PLCH1: variants seen among roughly 807,000 people sequenced by gnomAD.
The protein encoded by PLCH1 is phospholipase C eta 1.
Under a neutral mutation model 126.7 loss-of-function variants are expected in PLCH1, and 60 were observed. The ratio of observed to expected loss-of-function variants is 0.47; its 90% CI spans 0.38 to 0.59. The LOEUF (loss-of-function observed/expected upper bound fraction) is 0.59, where lower values mean the gene tolerates loss of function less well. PLCH1 is among the 20% of genes least tolerant of loss of function. The pLI is 0.00. For synonymous variants in PLCH1, 719 were observed against 734.9 expected (o/e 0.98, Z 0.35); for missense variants, 1,723 against 2,040.0 (o/e 0.84, Z 2.99).
intron 10 of PLCH1, among the ~76,000 whole-genome samples, chr3:155,526,489 TACACAC>T (rs35144196): frequency 0.028 from 3,603 of 126,604 alleles, 62 homozygotes; most frequent in Middle Eastern, 0.061. Context: ...CTCTCTCTCA[TACACAC>T]ACACACACAC....
intron 1 of PLCH1, among the ~76,000 whole-genome samples, chr3:155,737,231 CAAA>C (rs557369057): frequency 1.0e-4 from 6 of 59,534 alleles, no homozygotes; most frequent in Admixed American, 4.7e-4. Context: ...GCCTCCGTCT[CAAA>C]AAAAAAAAAA....
chr3:155,572,557 A>C (rs1308333290), intron 6 of PLCH1, among the ~76,000 whole-genome samples: 1 of 152,156 alleles, frequency 6.6e-6, no homozygotes, highest in East Asian at 1.9e-4. Flanking sequence ...TGGGTTTGTC[A>C]GTCTAGAGAA....
intron 4 of PLCH1, 124 bp from the exon 5 acceptor site, chr3:155,586,318 C>T (rs911665163): frequency 1.1e-6 from 1 of 883,678 alleles, no homozygotes; most frequent in Non-Finnish European, 1.8e-6. Context: ...TTGAGGAGCC[C>T]CTGCAATCCA....
intron 10 of PLCH1, among the ~76,000 whole-genome samples, chr3:155,533,052 T>C (rs1722900406): frequency 6.6e-6 from 1 of 152,164 alleles, no homozygotes; most frequent in Non-Finnish European, 1.5e-5. Flanking sequence ...TGGTCTCAGA[T>C]GGAGATGAGG....
intron 6 of PLCH1, among the ~76,000 whole-genome samples, chr3:155,577,866 T>C (rs1730184194): frequency 6.6e-6 from 1 of 152,216 alleles, no homozygotes; most frequent in Non-Finnish European, 1.5e-5. Context: ...TTTATACCTT[T>C]TAACTTTAAT....
intron 10 of PLCH1, among the ~76,000 whole-genome samples, chr3:155,530,862 A>G (rs964827516): frequency 6.6e-6 from 1 of 152,256 alleles, no homozygotes; most frequent in Non-Finnish European, 1.5e-5. Flanking sequence ...TTAAATAATA[A>G]GACTTGAAAG....
rs766465810 is a variant in PLCH1 at position 155,482,237 on chromosome 3, C to T, written c.3789G>A (p.Thr1263=). The T allele has an allele frequency of 6.8e-6, 11 of 1,614,084 alleles. No homozygotes were observed. Among genetic ancestry groups the T allele is most frequent in the African/African-American group, 1.3e-5 (1 of 75,000 alleles). Residue 1263 remains threonine (T), a synonymous_variant, in exon 23 of 23, where the codon ACG becomes ACA. Transcript: ENST00000460012. ...LSSSETTKHA[T]NTVYETTCTP... ...TGCAGGTAGTTTCATAAACTGTGTT[C>T]GTTGCATGTTTGGTGGTCTCAGAAC...
intron 2 of PLCH1, among the ~76,000 whole-genome samples, chr3:155,668,380 A>G (rs1340893798): frequency 6.6e-6 from 1 of 152,212 alleles, no homozygotes; most frequent in African/African-American, 2.4e-5. Flanking sequence ...AAGGTCTGAC[A>G]GTTAATTCAG....
At chr3:155,571,634 G>A (rs1577042459) in intron 6 of PLCH1, among the ~76,000 whole-genome samples, 1 of 152,134 alleles carries the variant, frequency 6.6e-6, no homozygotes, top group South Asian at 2.1e-4. Context: ...CCTGACCTCA[G>A]GTGATCTGCC....
At chr3:155,455,713 A>T (rs1227326983) in intron 21 of PLCH1, among the ~76,000 whole-genome samples, 1 of 152,222 alleles carries the variant, frequency 6.6e-6, no homozygotes, top group Admixed American at 6.5e-5. Context: ...TCTTTTGAAG[A>T]GGCTTTGTTT....
At chr3:155,483,452 A>G in intron 22 of PLCH1, 1 of 950,858 alleles carries the variant, frequency 1.1e-6, no homozygotes, top group South Asian at 1.9e-5. Context: ...TGTAAGCAAG[A>G]TACTATAAGC....
chr3:155,656,773 G>C (rs1364080629), intron 2 of PLCH1, among the ~76,000 whole-genome samples: 1 of 151,994 alleles, frequency 6.6e-6, no homozygotes. Flanking sequence ...ATCTAACATT[G>C]TATTAGAAGA....
At chr3:155,518,863 T>A (rs1393202024) in intron 11 of PLCH1, among the ~76,000 whole-genome samples, 2 of 152,184 alleles carry the variant, frequency 1.3e-5, no homozygotes, top group Non-Finnish European at 2.9e-5. Context: ...AAGGAGAAGA[T>A]CTGTGGCCAT....
intron 2 of PLCH1, among the ~76,000 whole-genome samples, chr3:155,627,503 G>A (rs539212985): frequency 4.6e-5 from 7 of 152,000 alleles, no homozygotes; most frequent in Admixed American, 1.3e-4. Context: ...GCGTGGTGGC[G>A]GGTGCCTGTA....
intron 6 of PLCH1, among the ~76,000 whole-genome samples, chr3:155,572,915 CTTATTT>C (rs1198136424): frequency 6.6e-6 from 1 of 151,624 alleles, no homozygotes; most frequent in African/African-American, 2.4e-5. Flanking sequence ...TATTTTTATT[CTTATTT>C]TTATTTTGTA....
intron 22 of PLCH1, 76 bp downstream of exon 22, chr3:155,485,280 C>T: frequency 2.3e-6 from 2 of 854,616 alleles, no homozygotes; most frequent in Non-Finnish European, 3.7e-6. Context: ...AGAATGTCAG[C>T]CACTTCATAA....
chr3:155,532,044 A>G (rs1426602491), intron 10 of PLCH1, among the ~76,000 whole-genome samples: 1 of 152,188 alleles, frequency 6.6e-6, no homozygotes, highest in Non-Finnish European at 1.5e-5. Context: ...AAAATGGCTA[A>G]CTCTTGGGCA....
chr3:155,498,050 G>A (rs1717326855), intron 14 of PLCH1, among the ~76,000 whole-genome samples: 3 of 152,208 alleles, frequency 2.0e-5, no homozygotes, highest in African/African-American at 7.2e-5. Context: ...TTAGTAGCAT[G>A]ATGAAATCTT....
In PLCH1 at chr3:155,482,713, G is replaced by A. The variant is rs78831576; in HGVS notation, c.3313C>T (p.Pro1105Ser). The A allele has an allele frequency of 2.0e-3, 3,236 of 1,614,162 alleles. 47 individuals carry two copies. In the African/African-American group the frequency reaches 0.035, roughly 18 times the overall value. The stretch of plus-strand genomic sequence containing the variant: ...CTTTTCCCTTCCACAAAGTCCTCAG[G>A]ATTACCCTTTTCCTTGATTTTCACA... ...HGVKIKEKGN[P>S]EDFVEGKSIL... is the part of the protein sequence containing the mutation. Residue 1105 changes from proline (P) to serine (S), a missense_variant, in exon 23 of 23, where the codon CCT becomes TCT. Physicochemically the swap from Pro to Ser is moderately conservative, Grantham distance 74. Coordinates refer to ENST00000460012, the MANE Select transcript of PLCH1 (RefSeq NM_014996.4).
Sources: gnomAD v4.1 joint callset for allele counts (sites outside exome capture counted in the v4.1 genomes callset) on GRCh38, gnomAD v4.1.1 for gene constraint, MANE v1.5 for transcripts, NCBI Gene and HGNC (gene_info 2026-07-23, HGNC 2026-07-21) for gene names.